The following MYO5A variants were observed in gnomAD, a reference collection of about 807,000 sequenced individuals.
The protein encoded by MYO5A is myosin VA, also known as unconventional myosin-Va.
In MYO5A, 98 loss-of-function variants were observed where a neutral mutation model predicts 249.7. The observed-to-expected ratio is 0.39, with a 90% confidence interval of 0.33 to 0.46. MYO5A has a LOEUF of 0.46. Ranked by LOEUF, MYO5A falls within the 20% of genes least tolerant of loss-of-function variation. The pLI, the probability that MYO5A is intolerant of heterozygous loss-of-function variation, is 0.98. For missense variants in MYO5A, 1,696 were observed against 2,308.8 expected, an observed-to-expected ratio of 0.73 and a Z score of 5.44; for synonymous variants, 778 against 810.6, an observed-to-expected ratio of 0.96 and a Z score of 0.68.
At chr15:52,446,269 C>T (rs576884870) in intron 1 of MYO5A, among the ~76,000 whole-genome samples, 1 of 152,352 alleles carries the variant, frequency 6.6e-6, no homozygotes, top group South Asian at 2.1e-4. Flanking sequence ...TGCTCCAGCT[C>T]CAGCTCCAGC....
At chr15:52,398,850 G>A (rs1416955827) in intron 9 of MYO5A, among the ~76,000 whole-genome samples, 1 of 152,110 alleles carries the variant, frequency 6.6e-6, no homozygotes, top group Non-Finnish European at 1.5e-5. Context: ...TTAGCTGCTT[G>A]TAGTGGCAGA....
intron 1 of MYO5A, among the ~76,000 whole-genome samples, chr15:52,484,693 G>A (rs1013656340): frequency 3.3e-5 from 5 of 152,070 alleles, no homozygotes; most frequent in African/African-American, 4.8e-5. Flanking sequence ...CCCCCAGGCT[G>A]GAGTGCAGTG....
At chr15:52,464,521 G>A (rs1482427945) in intron 1 of MYO5A, among the ~76,000 whole-genome samples, 2 of 152,178 alleles carry the variant, frequency 1.3e-5, no homozygotes, top group African/African-American at 4.8e-5. Context: ...TTGGTTATGT[G>A]GGATTCTTTG....
chr15:52,526,073 G>A (rs2077724959), intron 1 of MYO5A, among the ~76,000 whole-genome samples: 1 of 152,186 alleles, frequency 6.6e-6, no homozygotes, highest in African/African-American at 2.4e-5. Context: ...AAATAACCAA[G>A]TAACCAGACT....
intron 35 of MYO5A, among the ~76,000 whole-genome samples, chr15:52,330,145 T>A (rs1016132990): frequency 1.3e-5 from 2 of 152,074 alleles, no homozygotes; most frequent in African/African-American, 4.8e-5. Flanking sequence ...TCTTGAGCAA[T>A]CCTTGTAGGT....
chr15:52,364,349 A>G (rs911495861), intron 24 of MYO5A, among the ~76,000 whole-genome samples: 6 of 152,170 alleles, frequency 3.9e-5, no homozygotes, highest in African/African-American at 7.2e-5. Context: ...ATAAAATTAT[A>G]TGATTTCTAA....
At chr15:52,385,589 C>T (rs2041941068) in intron 14 of MYO5A, among the ~76,000 whole-genome samples, 1 of 141,124 alleles carries the variant, frequency 7.1e-6, no homozygotes. Context: ...TTTTTAAACT[C>T]CTTTTCAAAT....
chr15:52,528,908 A>AGCAGG (rs1337705114), upstream of MYO5A: 328 of 1,185,268 alleles, frequency 2.8e-4, no homozygotes, highest in African/African-American at 6.4e-4. Context: ...GCCGGCAGGG[A>AGCAGG]GCAGGGCAGG....
At position 52,403,128 on chromosome 15, in the gene MYO5A, GT is replaced by G. The variant is rs2042835419; in HGVS notation, c.1053+2158del. ...AATTTTAGGTAAGACTCATAATGAAGTGATATATGTGACATAACATTAGTCA... is the reference window on the plus strand; with the variant it reads ...AATTTTAGGTAAGACTCATAATGAAGGATATATGTGACATAACATTAGTCA... On this transcript the variant is annotated intron_variant, in intron 9 of 41. Transcript: ENST00000399233. 2.0e-5 allele frequency among the ~76,000 whole-genome samples: 3 copies of G among 152,206 alleles called. No individual in the cohort carries two copies. In the South Asian group the frequency reaches 6.2e-4, roughly 32 times the overall value.
At chr15:52,331,723 C>G in intron 34 of MYO5A, 1 of 985,416 alleles carries the variant, frequency 1.0e-6, no homozygotes, top group Non-Finnish European at 1.2e-6. Flanking sequence ...GCTTATGTGG[C>G]ATGGAGCCTG....
intron 1 of MYO5A, among the ~76,000 whole-genome samples, chr15:52,477,211 C>T (rs995290508): frequency 1.3e-5 from 2 of 152,160 alleles, no homozygotes; most frequent in African/African-American, 4.8e-5. Flanking sequence ...GCATGCGTCA[C>T]GTAGTTCTTG....
Position 52,383,197 on chromosome 15 carries a change from A to G in MYO5A, c.1915-9T>C, listed in dbSNP as rs747028390. 6 of 1,598,310 alleles carry G rather than the reference A, an allele frequency of 3.8e-6. No homozygotes were observed. The highest frequency in any genetic ancestry group is 2.2e-5 in the South Asian group (2 of 90,726). The stretch of plus-strand genomic sequence containing the variant: ...TGCAGGGAGTTTCTGAACTGCATGA[A>G]AAAGGGCAGAAGAGGGTATCAAGGC... On this transcript the variant is annotated splice_polypyrimidine_tract_variant and intron_variant, in intron 15 of 41. Transcript: ENST00000399233.
chr15:52,411,928 GA>G lies in MYO5A; in HGVS notation c.613-1453del, dbSNP rs2043267761. On this transcript the variant is annotated intron_variant, in intron 5 of 41. Transcript: ENST00000399233. ...AGAATATCTTCCTGGCAAAATTACA[GA>G]AGGATCTAATGTAGCCTCAGATAAT... 2.0e-5 allele frequency among the ~76,000 whole-genome samples: 3 copies of G among 152,170 alleles called. 1 individual carries two copies. The South Asian group carries it at 6.2e-4, about 32-fold the overall frequency.
chr15:52,402,051 T>C (rs765225960), intron 9 of MYO5A, among the ~76,000 whole-genome samples: 16 of 148,544 alleles, frequency 1.1e-4, no homozygotes, highest in Non-Finnish European at 1.8e-4. Flanking sequence ...TCAATATTTC[T>C]TGTAACTTTT....
In MYO5A at chr15:52,390,918, A is replaced by AT. The variant is rs550423895; in HGVS notation, c.1542+1011dup. On this transcript the variant is annotated intron_variant, in intron 12 of 41. Coordinates refer to ENST00000399233, the MANE Select transcript of MYO5A (RefSeq NM_001382347.1). ...TAGGATAATTCTACACACTCATTGC[A>AT]TTTTTTTCAGCTTTGCAACAGTAGT... is the stretch of plus-strand genomic sequence containing the variant. 3.3e-5 allele frequency among the ~76,000 whole-genome samples: 5 copies of AT among 151,884 alleles called. No homozygotes were observed. The East Asian group carries it at 9.7e-4, about 29-fold the overall frequency.
At chr15:52,343,401 T>C (rs1384723066) in intron 30 of MYO5A, among the ~76,000 whole-genome samples, 3 of 152,186 alleles carry the variant, frequency 2.0e-5, no homozygotes, top group Non-Finnish European at 4.4e-5. Flanking sequence ...TGTAAATGGA[T>C]AGAAATTAAA....
intron 25 of MYO5A, among the ~76,000 whole-genome samples, chr15:52,359,391 C>A (rs1352419743): frequency 1.3e-5 from 2 of 152,144 alleles, no homozygotes; most frequent in Admixed American, 1.3e-4. Flanking sequence ...AGTAATACAT[C>A]ATTTTGGTTT....
At chr15:52,521,656 C>A (rs4774629) in intron 1 of MYO5A, among the ~76,000 whole-genome samples, 1 of 152,078 alleles carries the variant, frequency 6.6e-6, no homozygotes, top group African/African-American at 2.4e-5. Context: ...AAAATAATTA[C>A]ATCATCCCTA....
intron 4 of MYO5A, among the ~76,000 whole-genome samples, chr15:52,421,637 C>G (rs2043797923): frequency 6.6e-6 from 1 of 152,152 alleles, no homozygotes; most frequent in African/African-American, 2.4e-5. Context: ...AAAGTCTACA[C>G]AATGCTTCTT....
Sources: gnomAD v4.1 joint callset for allele counts (sites outside exome capture counted in the v4.1 genomes callset) on GRCh38, gnomAD v4.1.1 for gene constraint, MANE v1.5 for transcripts, NCBI Gene and HGNC (gene_info 2026-07-23, HGNC 2026-07-21) for gene names.